The following PDE4B variants were observed in gnomAD, a reference collection of about 807,000 sequenced individuals.
PDE4B encodes 3',5'-cyclic-AMP phosphodiesterase 4B.
A neutral mutation model predicts 82.2 loss-of-function variants in PDE4B; 20 were observed. The observed-to-expected ratio is 0.24, with a 90% CI of 0.17 to 0.35. The LOEUF is 0.35. Among genes scored for constraint, PDE4B ranks in the 10% least tolerant of loss-of-function variants. The pLI is 1.00. For synonymous variants in PDE4B, 320 were observed against 318.9 expected (o/e 1.00, Z -0.04); for missense variants, 655 against 907.2 (o/e 0.72, Z 3.57).
At chr1:66,297,684 T>C (rs1356781468) in intron 7 of PDE4B, among the ~76,000 whole-genome samples, 1 of 152,142 alleles carries the variant, frequency 6.6e-6, no homozygotes, top group Non-Finnish European at 1.5e-5. Flanking sequence ...GATAATAATG[T>C]TACTCCATTC....
chr1:65,987,636 A>G (rs1178178553), intron 3 of PDE4B, among the ~76,000 whole-genome samples: 1 of 151,798 alleles, frequency 6.6e-6, no homozygotes, highest in Non-Finnish European at 1.5e-5. Flanking sequence ...TTTGAGATGG[A>G]GTCTCACTGT....
intron 3 of PDE4B, chr1:66,152,352 A>G: frequency 5.9e-6 from 1 of 168,116 alleles, no homozygotes; most frequent in Non-Finnish European, 1.3e-5. Context: ...CCCCAAAGAC[A>G]GGAGAAGATT....
At chr1:66,128,893 G>A (rs950405636) in intron 3 of PDE4B, among the ~76,000 whole-genome samples, 1 of 152,182 alleles carries the variant, frequency 6.6e-6, no homozygotes, top group African/African-American at 2.4e-5. Context: ...AGAACAGTAT[G>A]AGGGAAACCA....
intron 7 of PDE4B, among the ~76,000 whole-genome samples, chr1:66,270,339 T>G (rs1655374823): frequency 2.0e-5 from 3 of 152,222 alleles, no homozygotes; most frequent in African/African-American, 7.2e-5. Flanking sequence ...AACCTATTTC[T>G]CCATACAGGT....
chr1:66,118,606 A>G (rs540660744), intron 3 of PDE4B, among the ~76,000 whole-genome samples: 1 of 152,270 alleles, frequency 6.6e-6, no homozygotes, highest in East Asian at 1.9e-4. Context: ...TAGGAGATAT[A>G]CCTAATGTAA....
intron 3 of PDE4B, among the ~76,000 whole-genome samples, chr1:66,113,959 A>G (rs1645540879): frequency 6.6e-6 from 1 of 152,206 alleles, no homozygotes; most frequent in African/African-American, 2.4e-5. Flanking sequence ...TACTATTACG[A>G]ATTGCTATGG....
intron 3 of PDE4B, among the ~76,000 whole-genome samples, chr1:65,954,145 C>A (rs1300686339): frequency 6.6e-6 from 1 of 152,130 alleles, no homozygotes; most frequent in Non-Finnish European, 1.5e-5. Flanking sequence ...GATCCACCTG[C>A]CTTGGCCTCC....
intron 3 of PDE4B, among the ~76,000 whole-genome samples, chr1:66,061,627 G>A (rs934415478): frequency 6.6e-6 from 1 of 152,086 alleles, no homozygotes; most frequent in Non-Finnish European, 1.5e-5. Context: ...CATCTAATCT[G>A]TTGAATATTA....
At chr1:65,872,536 C>G (rs1270099787) in intron 1 of PDE4B, among the ~76,000 whole-genome samples, 1 of 151,986 alleles carries the variant, frequency 6.6e-6, no homozygotes, top group Non-Finnish European at 1.5e-5. Context: ...CCTCAGCACT[C>G]AATGAATAGA....
At chr1:66,205,693 C>T (rs1280716660) in intron 3 of PDE4B, among the ~76,000 whole-genome samples, 1 of 152,180 alleles carries the variant, frequency 6.6e-6, no homozygotes, top group Non-Finnish European at 1.5e-5. Flanking sequence ...TTTGATCATG[C>T]CAACAATGTT....
intron 1 of PDE4B, among the ~76,000 whole-genome samples, chr1:65,868,665 C>T (rs192695796): frequency 5.3e-5 from 8 of 152,274 alleles, no homozygotes; most frequent in African/African-American, 1.9e-4. Context: ...CCCCCAACCC[C>T]CAGGCTGCAG....
At chr1:66,228,319 G>A (rs970814994) in intron 3 of PDE4B, among the ~76,000 whole-genome samples, 2 of 152,130 alleles carry the variant, frequency 1.3e-5, no homozygotes, top group African/African-American at 4.8e-5. Flanking sequence ...TCTGCCTGCT[G>A]ACTCAGCCCC....
intron 1 of PDE4B, among the ~76,000 whole-genome samples, chr1:65,802,434 T>G (rs192375887): frequency 9.9e-5 from 15 of 152,266 alleles, no homozygotes; most frequent in Admixed American, 7.9e-4. Flanking sequence ...AATATTAGCT[T>G]CCTGGGAAGT....
intron 3 of PDE4B, among the ~76,000 whole-genome samples, chr1:66,162,693 T>C (rs1282657074): frequency 1.3e-5 from 2 of 152,190 alleles, no homozygotes; most frequent in Non-Finnish European, 2.9e-5. Context: ...CAATGAGCCT[T>C]TCTTTTGTGC....
chr1:66,021,375 T>A (rs373199133), intron 3 of PDE4B, among the ~76,000 whole-genome samples: 1 of 152,300 alleles, frequency 6.6e-6, no homozygotes, highest in South Asian at 2.1e-4. Context: ...GGTGTTTTAG[T>A]CATGAAGTCC....
At chr1:66,344,524 T>A (rs1283332490) in intron 8 of PDE4B, among the ~76,000 whole-genome samples, 2 of 152,210 alleles carry the variant, frequency 1.3e-5, no homozygotes, top group Non-Finnish European at 2.9e-5. Context: ...TTGTCTGCCA[T>A]AGTAAAATTT....
intron 3 of PDE4B, among the ~76,000 whole-genome samples, chr1:66,120,971 A>G (rs951610797): frequency 5.3e-5 from 8 of 152,174 alleles, no homozygotes; most frequent in Non-Finnish European, 1.5e-5. Flanking sequence ...CCCTTTAATG[A>G]TTATGCATGT....
rs545952209 is a variant in PDE4B at position 66,013,205 on chromosome 1, G to GT, written c.281+94377dup. On this transcript the variant is annotated intron_variant, in intron 3 of 16. Transcript: ENST00000341517. ...GATTCATAATTGGTACTCAGTGAAT[G>GT]TTTTTTTACCTTAGGATTTAATTAA... Among the ~76,000 whole-genome samples the GT allele has an allele frequency of 1.8e-4, 28 of 152,070 alleles. No individual in the cohort carries two copies. The East Asian group carries it at 5.4e-3, about 29-fold the overall frequency.
chr1:65,896,881 G>A (rs772164051), intron 1 of PDE4B, among the ~76,000 whole-genome samples: 1 of 152,066 alleles, frequency 6.6e-6, no homozygotes, highest in Admixed American at 6.6e-5. Flanking sequence ...GAAAATTTAG[G>A]CATAAATAGC....
Sources: gnomAD v4.1 joint callset for allele counts (sites outside exome capture counted in the v4.1 genomes callset) on GRCh38, gnomAD v4.1.1 for gene constraint, MANE v1.5 for transcripts, NCBI Gene and HGNC (gene_info 2026-07-23, HGNC 2026-07-21) for gene names.